Variants in POLA1 observed in about 807,000 individuals in gnomAD.
POLA1 encodes DNA polymerase alpha catalytic subunit.
A neutral mutation model predicts 124.0 loss-of-function variants in POLA1; 15 were observed. The ratio of observed to expected loss-of-function variants is 0.12; its 90% CI spans 0.08 to 0.19. The LOEUF is 0.19. POLA1 is among the 10% of genes least tolerant of loss of function. POLA1 has a pLI of 1.00. For missense variants in POLA1, 886 were observed against 1,103.4 expected (o/e 0.80, Z 2.79); for synonymous variants, 408 against 389.4 (o/e 1.05, Z -0.56).
Position 24,724,369 on chromosome X carries a change from C to G in POLA1, c.1235C>G (p.Thr412Ser). 1 of 1,139,454 alleles carries G rather than the reference C, an allele frequency of 8.8e-7. No individual in the cohort carries two copies. The highest frequency in any genetic ancestry group is 1.2e-6 in the Non-Finnish European group (1 of 835,368). 93.9% of individuals were successfully genotyped at this position (1,139,454 alleles called of 1,213,427 possible). A position where few individuals can be genotyped will look rare whatever the true frequency, so the allele number is the denominator to read the frequency against. Reference protein sequence around the residue: ...IDLNTGKETGTPISMKDVYEE... With the variant: ...IDLNTGKETGSPISMKDVYEE... ...CTAAATACGGGGAAAGAAACAGGAA[C>G]TCCAATTTCAATGAAGGATGTTTAT... is the stretch of plus-strand genomic sequence containing the variant. Residue 412 changes from threonine to serine, a missense_variant, in exon 12 of 37, where the codon ACT (threonine) becomes AGT (serine). Physicochemically the swap from Thr to Ser is moderately conservative, Grantham distance 58 (BLOSUM62 1). Around this residue, in one of 7 missense-constraint regions of POLA1, gnomAD observed 337 missense variants for 402.8 expected, o/e 0.84. Coordinates refer to ENST00000379068, the MANE Select transcript of POLA1 (RefSeq NM_001330360.2).
At chrX:24,788,758 A>T in intron 26 of POLA1, 1 of 1,202,892 alleles carries the variant, frequency 8.3e-7, no homozygotes, top group Non-Finnish European at 1.1e-6. Flanking sequence ...CATCAGATCC[A>T]AAGAGGTCAA....
intron 36 of POLA1, among the ~76,000 whole-genome samples, chrX:24,992,214 C>T (rs1241976664): frequency 9.0e-6 from 1 of 111,131 alleles, no homozygotes; most frequent in Non-Finnish European, 1.9e-5. Context: ...GTGTAGAGAG[C>T]GTAGAGGGGT....
intron 36 of POLA1, among the ~76,000 whole-genome samples, chrX:24,981,451 C>T (rs1435715446): frequency 1.8e-5 from 2 of 112,507 alleles, no homozygotes; most frequent in Non-Finnish European, 3.8e-5. Flanking sequence ...CTCCCAATGC[C>T]GTCATCTGGC....
At chrX:24,780,523 C>T (rs2045240163) in intron 26 of POLA1, among the ~76,000 whole-genome samples, 1 of 111,916 alleles carries the variant, frequency 8.9e-6, no homozygotes, top group Non-Finnish European at 1.9e-5. Context: ...TGGATTTTTT[C>T]AAATGCCTTT....
rs958116850 is a variant in POLA1, at chrX:24,893,679, C to T, written c.4164+5557C>T. On this transcript the variant is annotated intron_variant, in intron 35 of 36. Coordinates refer to ENST00000379068, the MANE Select transcript of POLA1 (RefSeq NM_001330360.2). ...CTTTTGTGTCTGACATCTTTCACCT[C>T]GCATAACATTTTTGAAGTTCATCTG... Among the ~76,000 whole-genome samples, 5 of 112,181 alleles carry T rather than the reference C, an allele frequency of 4.5e-5. No individual in the cohort carries two copies. In the East Asian group the frequency reaches 8.4e-4, roughly 19 times the overall value.
At chrX:24,709,205 A>C (rs1363877874) in intron 4 of POLA1, among the ~76,000 whole-genome samples, 2 of 82,363 alleles carry the variant, frequency 2.4e-5, no homozygotes, top group African/African-American at 4.9e-5. Flanking sequence ...TGACCCCCCC[A>C]CCTCCCTCCC....
intron 36 of POLA1, among the ~76,000 whole-genome samples, chrX:24,953,093 A>G (rs2048066915): frequency 8.9e-6 from 1 of 112,243 alleles, no homozygotes; most frequent in Admixed American, 9.5e-5. Context: ...CAGATATAAA[A>G]CAGGTAAACT....
chrX:24,737,767 TTATC>T, intron 19 of POLA1, 26 bp downstream of exon 19: 3 of 745,127 alleles, frequency 4.0e-6, no homozygotes, highest in Middle Eastern at 2.9e-4. Flanking sequence ...AAAATCTTAT[TTATC>T]TATTTATTTT....
chrX:24,753,985 C>G (rs1313310174), intron 26 of POLA1, among the ~76,000 whole-genome samples: 1 of 111,571 alleles, frequency 9.0e-6, no homozygotes, highest in African/African-American at 3.3e-5. Flanking sequence ...GGAATTTGTG[C>G]ACATTAAAAG....
At chrX:24,806,063 T>C (rs1289824826) in intron 26 of POLA1, among the ~76,000 whole-genome samples, 4 of 16,638 alleles carry the variant, frequency 2.4e-4, no homozygotes, top group Admixed American at 6.5e-4. Context: ...GTTTTTTTTT[T>C]TTTTTTTTTT....
chrX:24,973,457 T>G (rs2048328590), intron 36 of POLA1, among the ~76,000 whole-genome samples: 1 of 111,978 alleles, frequency 8.9e-6, no homozygotes, highest in East Asian at 2.8e-4. Context: ...TGCCTAGGCC[T>G]GAACCTCCTA....
chrX:24,839,434 G>T (rs1433006418), intron 32 of POLA1, among the ~76,000 whole-genome samples: 1 of 111,997 alleles, frequency 8.9e-6, no homozygotes, highest in African/African-American at 3.2e-5. Flanking sequence ...ACAGGGCCTG[G>T]TATTTTTCGC....
intron 35 of POLA1, among the ~76,000 whole-genome samples, chrX:24,898,285 A>T (rs1185343337): frequency 8.9e-6 from 1 of 112,065 alleles, no homozygotes; most frequent in Non-Finnish European, 1.9e-5. Context: ...GGGTGCATTC[A>T]CTTCAATTCA....
At chrX:24,943,216 G>A (rs186566708) in intron 36 of POLA1, among the ~76,000 whole-genome samples, 9 of 112,458 alleles carry the variant, frequency 8.0e-5, no homozygotes, top group African/African-American at 2.3e-4. Flanking sequence ...TAAAACAGAC[G>A]TCTTTAACTA....
chrX:24,947,531 A>G (rs893572717), intron 36 of POLA1, among the ~76,000 whole-genome samples: 12 of 110,160 alleles, frequency 1.1e-4, no homozygotes, highest in Non-Finnish European at 2.1e-4. Flanking sequence ...TTGGCCTCCC[A>G]AAGTGTTGGG....
chrX:24,725,905 A>T, intron 12 of POLA1, 76 bp from the exon 13 acceptor site: 5 of 622,872 alleles, frequency 8.0e-6, no homozygotes, highest in Non-Finnish European at 1.3e-5. Context: ...GATTAAATAC[A>T]AGAGCATGTA....
chrX:24,784,052 T>A (rs747836825), intron 26 of POLA1, among the ~76,000 whole-genome samples: 2 of 100,413 alleles, frequency 2.0e-5, no homozygotes, highest in East Asian at 6.4e-4. Flanking sequence ...CTGCAAGATT[T>A]ATATTTCTTT....
chrX:24,751,345 C>T (rs1436534066), intron 26 of POLA1, among the ~76,000 whole-genome samples: 1 of 111,535 alleles, frequency 9.0e-6, no homozygotes, highest in African/African-American at 3.3e-5. Flanking sequence ...TTTTTAATAG[C>T]GAGTTTAAAC....
intron 35 of POLA1, among the ~76,000 whole-genome samples, chrX:24,908,946 A>G (rs910876345): frequency 1.8e-5 from 2 of 111,934 alleles, no homozygotes; most frequent in African/African-American, 6.5e-5. Flanking sequence ...GTGAGATGGT[A>G]TCTCATTGTG....
Sources: allele counts gnomAD v4.1 joint callset (sites outside exome capture counted in the v4.1 genomes callset), GRCh38; gene constraint gnomAD v4.1.1; regional missense constraint gnomAD v4.1.1; transcripts MANE v1.5; gene names NCBI Gene and HGNC (gene_info 2026-07-23, HGNC 2026-07-21).